The following FOXP1 variants were observed in gnomAD, a reference collection of about 807,000 sequenced individuals.
FOXP1 encodes forkhead box P1.
A neutral mutation model predicts 98.2 loss-of-function variants in FOXP1; 15 were observed. That is an observed-to-expected ratio of 0.15 (90% CI 0.10 to 0.24). The LOEUF (loss-of-function observed/expected upper bound fraction) is 0.24, where lower values mean the gene tolerates loss of function less well. Among genes scored for constraint, FOXP1 ranks in the 10% least tolerant of loss-of-function variants. FOXP1 has a pLI of 1.00. For missense variants in FOXP1, 633 were observed against 848.5 expected, an observed-to-expected ratio of 0.75 and a Z score of 3.15; for synonymous variants, 371 against 314.5, an observed-to-expected ratio of 1.18 and a Z score of -1.90.
In FOXP1 at chr3:71,053,617, G is replaced by A. The variant is rs1281375569; in HGVS notation, c.420+19C>T. On this transcript the variant is annotated intron_variant, in intron 8 of 20. Coordinates refer to ENST00000649528, the MANE Select transcript of FOXP1 (RefSeq NM_001349338.3). ...GGGTTCTGGGGGAGACAGGCTGGAG[G>A]TGGAGGAAGGACAATTACCTGTTGA... 1.9e-6 allele frequency: 3 copies of A among 1,613,846 alleles called. No individual in the cohort carries two copies. Among genetic ancestry groups the A allele is most frequent in the East Asian group, 4.5e-5 (2 of 44,874 alleles).
intron 13 of FOXP1, among the ~76,000 whole-genome samples, chr3:70,996,212 G>A (rs1264423000): frequency 2.6e-5 from 4 of 152,088 alleles, no homozygotes; most frequent in Non-Finnish European, 4.4e-5. Flanking sequence ...TCGAACTCCC[G>A]ACCTTAGGTG....
chr3:71,003,674 C>T (rs1006089807), intron 12 of FOXP1, among the ~76,000 whole-genome samples: 4 of 151,978 alleles, frequency 2.6e-5, no homozygotes, highest in Non-Finnish European at 5.9e-5. Context: ...ATAAAATGGT[C>T]GAGATAAGGT....
chr3:71,215,214 C>T (rs942325193), intron 5 of FOXP1, among the ~76,000 whole-genome samples: 3 of 152,206 alleles, frequency 2.0e-5, no homozygotes, highest in African/African-American at 7.2e-5. Context: ...TCCCTATTCT[C>T]ATTTCCTCAT....
At chr3:71,434,280 C>CG (rs776446254) in intron 3 of FOXP1, among the ~76,000 whole-genome samples, 1 of 151,888 alleles carries the variant, frequency 6.6e-6, no homozygotes, top group African/African-American at 2.4e-5. Context: ...AGAGCCCCCC[C>CG]GAAGACTTGT....
At chr3:71,060,180 T>C (rs915690246) in intron 7 of FOXP1, among the ~76,000 whole-genome samples, 23 of 152,196 alleles carry the variant, frequency 1.5e-4, no homozygotes, top group Middle Eastern at 3.4e-3. Flanking sequence ...TTTCAACACA[T>C]AGGTAGGCCA....
intron 2 of FOXP1, among the ~76,000 whole-genome samples, chr3:71,497,573 G>A (rs1321360924): frequency 1.3e-5 from 2 of 152,274 alleles, no homozygotes; most frequent in East Asian, 3.9e-4. Flanking sequence ...CCAGCTTGAA[G>A]CCCAAGTTCC....
chr3:71,259,888 G>T (rs569383159), intron 5 of FOXP1, among the ~76,000 whole-genome samples: 5 of 152,286 alleles, frequency 3.3e-5, no homozygotes, highest in African/African-American at 1.2e-4. Flanking sequence ...TGGATAGAGG[G>T]TGGGGGTGCT....
At chr3:70,979,555 T>A (rs949472501) in intron 14 of FOXP1, among the ~76,000 whole-genome samples, 2 of 152,094 alleles carry the variant, frequency 1.3e-5, no homozygotes, top group Admixed American at 1.3e-4. Context: ...TTCAGCAAAG[T>A]AGGCTTACTT....
chr3:71,170,156 C>T (rs2061578788), intron 6 of FOXP1, among the ~76,000 whole-genome samples: 1 of 152,160 alleles, frequency 6.6e-6, no homozygotes. Context: ...ATAAAACTGT[C>T]CTAATAATAC....
At chr3:71,063,995 G>A (rs753424137) in intron 7 of FOXP1, among the ~76,000 whole-genome samples, 2 of 152,196 alleles carry the variant, frequency 1.3e-5, no homozygotes, top group Non-Finnish European at 2.9e-5. Context: ...AGTTCTGACA[G>A]TTGAGTTAGC....
chr3:71,078,705 T>C (rs1232688178), intron 7 of FOXP1, among the ~76,000 whole-genome samples: 1 of 151,432 alleles, frequency 6.6e-6, no homozygotes, highest in Admixed American at 6.6e-5. Flanking sequence ...CTAGATAACG[T>C]TGCCCAAGGA....
intron 5 of FOXP1, among the ~76,000 whole-genome samples, chr3:71,281,285 G>A (rs2071537688): frequency 2.0e-5 from 3 of 151,746 alleles, no homozygotes; most frequent in South Asian, 2.1e-4. Context: ...GGAGTTTTCC[G>A]AGAAAGGGTC....
chr3:71,387,463 A>G (rs1303195171), intron 3 of FOXP1, among the ~76,000 whole-genome samples: 2 of 152,212 alleles, frequency 1.3e-5, no homozygotes, highest in African/African-American at 2.4e-5. Context: ...CTAAAATTGT[A>G]TTTCTTTCTC....
At chr3:71,402,347 TG>T (rs1214360802) in intron 3 of FOXP1, among the ~76,000 whole-genome samples, 1 of 151,942 alleles carries the variant, frequency 6.6e-6, no homozygotes, top group African/African-American at 2.4e-5. Context: ...CCCAGCTACT[TG>T]GGGGGCTGAA....
intron 6 of FOXP1, chr3:71,197,969 A>C: frequency 6.2e-7 from 1 of 1,614,120 alleles, no homozygotes; most frequent in Non-Finnish European, 8.5e-7. Context: ...ACTGCTCCCC[A>C]CAAGGGGACC....
intron 5 of FOXP1, among the ~76,000 whole-genome samples, chr3:71,221,869 C>T (rs1214448776): frequency 6.6e-6 from 1 of 152,176 alleles, no homozygotes; most frequent in Non-Finnish European, 1.5e-5. Flanking sequence ...GAACAAAGTC[C>T]TTCGTCCGGG....
chr3:71,286,874 C>T (rs1016396660), intron 5 of FOXP1, among the ~76,000 whole-genome samples: 1 of 152,160 alleles, frequency 6.6e-6, no homozygotes, highest in African/African-American at 2.4e-5. Flanking sequence ...GAGGGAGAAA[C>T]TAGGTGATTA....
intron 4 of FOXP1, among the ~76,000 whole-genome samples, chr3:71,358,001 T>TGGG (rs2078281949): frequency 6.6e-6 from 1 of 152,186 alleles, no homozygotes; most frequent in African/African-American, 2.4e-5. Flanking sequence ...ATTAACCCTC[T>TGGG]ATTCCCAAAG....
chr3:70,961,971 G>A (rs2106921139), intron 20 of FOXP1, among the ~76,000 whole-genome samples: 1 of 152,274 alleles, frequency 6.6e-6, no homozygotes, highest in African/African-American at 2.4e-5. Flanking sequence ...GTGACTGCAT[G>A]TCACACACCT....
Sources: allele counts gnomAD v4.1 joint callset (sites outside exome capture counted in the v4.1 genomes callset), GRCh38; gene constraint gnomAD v4.1.1; transcripts MANE v1.5; gene names NCBI Gene and HGNC (gene_info 2026-07-23, HGNC 2026-07-21).